The following MCTP1 variants were observed in gnomAD, a reference collection of about 807,000 sequenced individuals.
MCTP1 encodes the protein multiple C2 and transmembrane domain-containing protein 1.
MCTP1 carries 69 observed loss-of-function variants against 120.6 expected under a neutral mutation model. That is an observed-to-expected ratio of 0.57 (90% CI 0.47 to 0.70). MCTP1 has a LOEUF of 0.70. MCTP1 is among the 30% of genes least tolerant of loss of function. The pLI is 0.00. For missense variants in MCTP1, 1,203 were observed against 1,248.8 expected (o/e 0.96, Z 0.55); for synonymous variants, 529 against 493.1 (o/e 1.07, Z -0.96).
chr5:94,909,515 C>G, intron 9 of MCTP1, 134 bp from the exon 10 acceptor site: 1 of 816,734 alleles, frequency 1.2e-6, no homozygotes, highest in Non-Finnish European at 1.8e-6. Context: ...AAAAAGATTA[C>G]AGAAATAATG....
chr5:95,175,727 C>T (rs1265814720), intron 1 of MCTP1, among the ~76,000 whole-genome samples: 1 of 152,136 alleles, frequency 6.6e-6, no homozygotes, highest in Admixed American at 6.5e-5. Context: ...TTCTGCAGTC[C>T]TGTTTCCTCT....
rs1026955823 is a variant in MCTP1 at position 94,862,870 on chromosome 5, T to A, written c.2436+5463A>T. Among the ~76,000 whole-genome samples the A allele has an allele frequency of 2.0e-5, 3 of 151,824 alleles. No individual in the cohort carries two copies. In the East Asian group the frequency reaches 5.8e-4, roughly 29 times the overall value. On this transcript the variant is annotated intron_variant, in intron 17 of 22. Coordinates refer to ENST00000515393, the MANE Select transcript of MCTP1 (RefSeq NM_024717.7). ...TACTAGCATGTCCAGATGAATTGGG[T>A]GCACAATCTATTTACTGAAAAGAAA... is the stretch of plus-strand genomic sequence containing the variant.
intron 1 of MCTP1, among the ~76,000 whole-genome samples, chr5:95,117,268 G>T (rs550878547): frequency 1.3e-5 from 2 of 152,102 alleles, no homozygotes; most frequent in South Asian, 4.2e-4. Context: ...GCAGGCGCCT[G>T]TAGTCCCAGC....
chr5:95,037,457 AT>A (rs1157129957), intron 1 of MCTP1, among the ~76,000 whole-genome samples: 2 of 152,222 alleles, frequency 1.3e-5, no homozygotes, highest in African/African-American at 4.8e-5. Flanking sequence ...AACGTGAGCT[AT>A]TATATAACAA....
chr5:95,159,731 C>A (rs1745512665), intron 1 of MCTP1, among the ~76,000 whole-genome samples: 1 of 151,740 alleles, frequency 6.6e-6, no homozygotes, highest in African/African-American at 2.4e-5. Flanking sequence ...GCTTGAGAGT[C>A]ATTTCTCTGG....
At chr5:95,177,367 G>C (rs1323375543) in intron 1 of MCTP1, among the ~76,000 whole-genome samples, 2 of 152,116 alleles carry the variant, frequency 1.3e-5, no homozygotes, top group African/African-American at 4.8e-5. Flanking sequence ...TACTCTGTCT[G>C]AAAGTCCATC....
chr5:95,032,321 T>C (rs1840455017), intron 1 of MCTP1, among the ~76,000 whole-genome samples: 3 of 152,092 alleles, frequency 2.0e-5, no homozygotes, highest in Admixed American at 2.0e-4. Flanking sequence ...TTTTCTAAAA[T>C]TGACCACATG....
intron 19 of MCTP1, among the ~76,000 whole-genome samples, chr5:94,721,655 A>G (rs1222120572): frequency 6.6e-6 from 1 of 152,196 alleles, no homozygotes; most frequent in African/African-American, 2.4e-5. Context: ...CAAAACTGCA[A>G]TGGATAATGG....
chr5:95,109,926 A>G (rs1432013639), intron 1 of MCTP1, among the ~76,000 whole-genome samples: 1 of 152,224 alleles, frequency 6.6e-6, no homozygotes, highest in African/African-American at 2.4e-5. Flanking sequence ...TGCTGGACTC[A>G]TGGAATACCC....
At chr5:94,764,321 C>G (rs1453189015) in intron 19 of MCTP1, among the ~76,000 whole-genome samples, 1 of 152,166 alleles carries the variant, frequency 6.6e-6, no homozygotes, top group South Asian at 2.1e-4. Context: ...AGAATAGCTT[C>G]CCATTGATAA....
intron 6 of MCTP1, among the ~76,000 whole-genome samples, chr5:94,926,098 A>G (rs1813037457): frequency 6.6e-6 from 1 of 152,210 alleles, no homozygotes. Flanking sequence ...TCAGCCTTCT[A>G]CATAAATCAT....
chr5:94,733,966 A>G (rs1763653931), intron 19 of MCTP1, among the ~76,000 whole-genome samples: 4 of 151,662 alleles, frequency 2.6e-5, no homozygotes, highest in African/African-American at 9.7e-5. Flanking sequence ...TCTGTCTGAA[A>G]AAAAAAAAAA....
At chr5:95,253,247 GA>G (rs1336119236) in intron 1 of MCTP1, among the ~76,000 whole-genome samples, 4 of 152,012 alleles carry the variant, frequency 2.6e-5, no homozygotes, top group Non-Finnish European at 5.9e-5. Context: ...ATCCTTTTTA[GA>G]AACAAAACTT....
chr5:95,000,647 G>A (rs1396063562), intron 2 of MCTP1, among the ~76,000 whole-genome samples: 1 of 152,038 alleles, frequency 6.6e-6, no homozygotes, highest in African/African-American at 2.4e-5. Context: ...TTCTATAGCT[G>A]TATAATATGT....
At chr5:94,933,521 A>G (rs941703042) in intron 5 of MCTP1, among the ~76,000 whole-genome samples, 1 of 151,836 alleles carries the variant, frequency 6.6e-6, no homozygotes, top group African/African-American at 2.4e-5. Context: ...CAACTTTCTC[A>G]CCAAGCAGAG....
rs1373904546 is a variant in MCTP1 at position 95,035,309 on chromosome 5, G to A, written c.721-17825C>T. Reference sequence around the variant, plus strand: ...GCACTGTTTACAATAGCAAAGGCATGGAATCAACCTAAGTGTCCATCAGCA... The same window carrying A: ...GCACTGTTTACAATAGCAAAGGCATAGAATCAACCTAAGTGTCCATCAGCA... On this transcript the variant is annotated intron_variant, in intron 1 of 22. Coordinates refer to ENST00000515393, the MANE Select transcript of MCTP1 (RefSeq NM_024717.7). Among the ~76,000 whole-genome samples, 4 of 152,038 alleles carry A rather than the reference G, an allele frequency of 2.6e-5. No individual in the cohort carries two copies. The East Asian group carries it at 5.8e-4, about 22-fold the overall frequency.
At chr5:94,853,793 G>A (rs1178985012) in intron 17 of MCTP1, among the ~76,000 whole-genome samples, 3 of 151,862 alleles carry the variant, frequency 2.0e-5, no homozygotes, top group Non-Finnish European at 2.9e-5. Flanking sequence ...CTAAGGAAAT[G>A]AGAAATACTC....
rs139521996 is a variant in MCTP1 at position 94,787,612 on chromosome 5, G to GT, written c.2557-8450dup. ...AGGTGTCATCTATTAAGCACTTACT[G>GT]TTTTTTTTTGTTTTTTTTTTTTGAG... On this transcript the variant is annotated intron_variant, in intron 18 of 22. Transcript: ENST00000515393. Among the ~76,000 whole-genome samples, 1,053 of 144,150 alleles carry GT rather than the reference G, an allele frequency of 7.3e-3. 9 individuals carry two copies. The highest frequency in any genetic ancestry group is 0.014 in the African/African-American group (510 of 36,364). The allele number at this position is 144,150 out of a possible 152,430, so 94.6% of individuals were successfully genotyped here.
chr5:95,201,791 C>T (rs1440982223), intron 1 of MCTP1, among the ~76,000 whole-genome samples: 1 of 152,074 alleles, frequency 6.6e-6, no homozygotes, highest in African/African-American at 2.4e-5. Context: ...AGGCGTGAGC[C>T]ACTGCACCTG....
Sources: allele counts gnomAD v4.1 joint callset (sites outside exome capture counted in the v4.1 genomes callset), GRCh38; gene constraint gnomAD v4.1.1; transcripts MANE v1.5; gene names NCBI Gene and HGNC (gene_info 2026-07-23, HGNC 2026-07-21).